SNX31: variants seen among roughly 807,000 people sequenced by gnomAD.
SNX31 encodes the protein sorting nexin 31.
Under a neutral mutation model 65.4 loss-of-function variants are expected in SNX31, and 58 were observed. That is an observed-to-expected ratio of 0.89 (90% CI 0.72 to 1.10). The LOEUF is 1.10. SNX31 is among the 50% of genes least tolerant of loss of function. The pLI is 0.00. For missense variants in SNX31, 523 were observed against 529.7 expected, an observed-to-expected ratio of 0.99 and a Z score of 0.12; for synonymous variants, 181 against 190.1, an observed-to-expected ratio of 0.95 and a Z score of 0.39.
Position 100,573,918 on chromosome 8 carries a change from T to TTTTTTTTTTTTTTTTTTTTTTTGAGACGG in SNX31, c.1269_1270insCCGTCTCAAAAAAAAAAAAAAAAAAAAAA (p.Lys424ProfsTer12), listed in dbSNP as rs1563502345. On this transcript the variant is annotated frameshift_variant, in exon 14 of 14. Coordinates refer to ENST00000311812, the MANE Select transcript of SNX31 (RefSeq NM_152628.4). LOFTEE classifies it high-confidence loss of function. ...AAAACGCAGTCATCTTTAGCTATCTTAATCTTGCTTTTTCTTGATAGAAAA... is the reference window on the plus strand; with the variant it reads ...AAAACGCAGTCATCTTTAGCTATCTTTTTTTTTTTTTTTTTTTTTTTTGAGACGGAATCTTGCTTTTTCTTGATAGAAAA... 6.3e-7 allele frequency: 1 copy of TTTTTTTTTTTTTTTTTTTTTTTGAGACGG among 1,590,868 alleles called. No individual in the cohort carries two copies. Among genetic ancestry groups the TTTTTTTTTTTTTTTTTTTTTTTGAGACGG allele is most frequent in the East Asian group, 2.3e-5 (1 of 43,470 alleles).
rs1209645289 is a variant in SNX31, at chr8:100,615,558, T to C, written c.432+2062A>G. ...AGAAATGCATCGTTAGGCGATTTTG[T>C]TGTTGTGTGAACACTGCGAAGTGAA... On this transcript the variant is annotated intron_variant, in intron 5 of 13. Coordinates refer to ENST00000311812, the MANE Select transcript of SNX31 (RefSeq NM_152628.4). 2.6e-5 allele frequency among the ~76,000 whole-genome samples: 4 copies of C among 152,346 alleles called. No homozygotes were observed. The East Asian group carries it at 7.7e-4, about 29-fold the overall frequency.
At chr8:100,585,070 C>T (rs16898602) in intron 11 of SNX31, among the ~76,000 whole-genome samples, 13,039 of 152,098 alleles carry the variant, frequency 0.086, 594 homozygotes, top group African/African-American at 0.11. Context: ...GTTCTAGACT[C>T]ATAGTCACCT....
intron 2 of SNX31, among the ~76,000 whole-genome samples, chr8:100,641,254 C>T (rs1819154455): frequency 6.6e-6 from 1 of 151,864 alleles, no homozygotes; most frequent in African/African-American, 2.4e-5. Context: ...AAGTACCTGC[C>T]AGTTGGCTGC....
chr8:100,580,387 A>G (rs183473666), intron 12 of SNX31, among the ~76,000 whole-genome samples: 2 of 152,264 alleles, frequency 1.3e-5, no homozygotes, highest in Admixed American at 1.3e-4. Context: ...TTACTCCATT[A>G]TCCATTCCAC....
intron 10 of SNX31, among the ~76,000 whole-genome samples, chr8:100,596,258 C>A (rs934092179): frequency 6.6e-6 from 1 of 152,128 alleles, no homozygotes; most frequent in Non-Finnish European, 1.5e-5. Flanking sequence ...AAGCATGATG[C>A]CAAGGTGTTG....
At chr8:100,646,708 G>A (rs992727703) in intron 2 of SNX31, among the ~76,000 whole-genome samples, 1 of 152,128 alleles carries the variant, frequency 6.6e-6, no homozygotes, top group African/African-American at 2.4e-5. Flanking sequence ...CGATCATGGT[G>A]GTGGTAATTG....
At chr8:100,608,174 C>CA (rs1190694905) in intron 8 of SNX31, among the ~76,000 whole-genome samples, 5 of 152,220 alleles carry the variant, frequency 3.3e-5, no homozygotes. Flanking sequence ...AAAATATATA[C>CA]AACGTAACTT....
chr8:100,598,935 C>A (rs535262890), intron 9 of SNX31, among the ~76,000 whole-genome samples: 10 of 152,182 alleles, frequency 6.6e-5, no homozygotes, highest in Non-Finnish European at 8.8e-5. Context: ...TGGACCACAG[C>A]CTTTCTCTGA....
rs753002779 is a variant in SNX31 at position 100,588,900 on chromosome 8, C to G, written c.1058G>C (p.Ser353Thr). Residue 353 changes from serine (S) to threonine (T), a missense_variant, in exon 11 of 14, where the codon AGT becomes ACT. Coordinates refer to ENST00000311812, the MANE Select transcript of SNX31 (RefSeq NM_152628.4). This position sits in a 1 kb window ranked among gnomAD's most constrained non-coding sequence, Gnocchi z 4.8. The part of the protein sequence containing the change: ...LELRFQYSED[S>T]CWQWFVIYTK... ...GTAAATAACAAACCACTGCCAGCAA[C>G]TATCCTCACTGTATTGAAATCTGAG... 12 of 1,613,948 alleles carry G rather than the reference C, an allele frequency of 7.4e-6. No homozygotes were observed. The highest frequency in any genetic ancestry group is 4.0e-5 in the African/African-American group (3 of 74,916).
Position 100,576,140 on chromosome 8 carries a change from G to A in SNX31, c.1227+879C>T, listed in dbSNP as rs1813029498. On this transcript the variant is annotated intron_variant, in intron 13 of 13. Coordinates refer to ENST00000311812, the MANE Select transcript of SNX31 (RefSeq NM_152628.4). The surrounding 1 kb of genome is among the most constrained non-coding windows in gnomAD (Gnocchi z 4.8). Reference sequence around the variant, plus strand: ...CCAGAAGTGCTGTGATTATGAAGGAGAATGCTTTTATGCATTTCTGCTAGT... The same window carrying A: ...CCAGAAGTGCTGTGATTATGAAGGAAAATGCTTTTATGCATTTCTGCTAGT... Among the ~76,000 whole-genome samples, 1 of 152,182 alleles carries A rather than the reference G, an allele frequency of 6.6e-6. No homozygotes were observed. Among genetic ancestry groups the A allele is most frequent in the African/African-American group, 2.4e-5 (1 of 41,438 alleles).
rs371461667 is a variant in SNX31 at position 100,620,930 on chromosome 8, C to A, written c.322-3200G>T. 9.4e-4 allele frequency among the ~76,000 whole-genome samples: 143 copies of A among 151,892 alleles called. 3 individuals are homozygous for A. The South Asian group carries it at 0.029, about 31-fold the overall frequency. On this transcript the variant is annotated intron_variant, in intron 4 of 13. Transcript: ENST00000311812. The stretch of plus-strand genomic sequence containing the variant: ...GTCAGGAGTTCGAGACCAGCTTGGC[C>A]AACATGGTGAAACCCTATCTCTACT...
At chr8:100,641,566 ATAT>A (rs1352038321) in intron 2 of SNX31, among the ~76,000 whole-genome samples, 8 of 19,046 alleles carry the variant, frequency 4.2e-4, no homozygotes, top group African/African-American at 1.7e-3. Context: ...AAAAAAAAAA[ATAT>A]ATATATATAT....
intron 12 of SNX31, among the ~76,000 whole-genome samples, chr8:100,583,159 T>G (rs1337385621): frequency 6.6e-6 from 1 of 151,668 alleles, no homozygotes; most frequent in Non-Finnish European, 1.5e-5. Context: ...CAGGCTGGAA[T>G]GTAATGGTGT....
intron 8 of SNX31, among the ~76,000 whole-genome samples, chr8:100,600,746 G>A (rs1479008292): frequency 5.3e-5 from 8 of 151,870 alleles, no homozygotes; most frequent in Non-Finnish European, 1.0e-4. Flanking sequence ...AAAAAATAAA[G>A]GTAAATATTT....
At chr8:100,641,212 C>T (rs1346485900) in intron 2 of SNX31, among the ~76,000 whole-genome samples, 1 of 151,934 alleles carries the variant, frequency 6.6e-6, no homozygotes, top group East Asian at 1.9e-4. Flanking sequence ...CCACTCTCCA[C>T]TGTTGTTCAC....
At chr8:100,615,378 TAAATAAACAC>T in intron 5 of SNX31, among the ~76,000 whole-genome samples, 1 of 152,304 alleles carries the variant, frequency 6.6e-6, no homozygotes, top group Non-Finnish European at 1.5e-5. Context: ...CCAATAATGA[TAAATAAACAC>T]AACTGCCATT....
At chr8:100,587,370 C>T (rs1814138340) in intron 11 of SNX31, among the ~76,000 whole-genome samples, 2 of 152,174 alleles carry the variant, frequency 1.3e-5, no homozygotes, top group African/African-American at 4.8e-5. Context: ...AATTCCACAC[C>T]TGATCTCCTG....
chr8:100,654,776 G>T (rs1002747891), intron 1 of SNX31, among the ~76,000 whole-genome samples: 2 of 152,218 alleles, frequency 1.3e-5, no homozygotes, highest in Non-Finnish European at 2.9e-5. Context: ...ACTTTGGGAG[G>T]CTGAGGCATG....
intron 10 of SNX31, among the ~76,000 whole-genome samples, chr8:100,589,421 T>C (rs775191786): frequency 6.6e-6 from 1 of 152,082 alleles, no homozygotes; most frequent in Non-Finnish European, 1.5e-5. Context: ...TCACCACAGT[T>C]TGATATATTA....
Sources: allele counts gnomAD v4.1 joint callset (sites outside exome capture counted in the v4.1 genomes callset), GRCh38; gene constraint gnomAD v4.1.1; non-coding constraint Gnocchi (gnomAD v3.1); transcripts MANE v1.5; gene names NCBI Gene and HGNC (gene_info 2026-07-23, HGNC 2026-07-21).